Variants in CDK13 observed in about 807,000 individuals in gnomAD.
The protein encoded by CDK13 is cyclin dependent kinase 13, also known as cyclin-dependent kinase 13.
Under a neutral mutation model 137.6 loss-of-function variants are expected in CDK13, and 40 were observed. The observed-to-expected ratio is 0.29, with a 90% CI of 0.23 to 0.38. CDK13 has a LOEUF of 0.38. Among genes scored for constraint, CDK13 ranks in the 10% least tolerant of loss-of-function variants. CDK13 has a pLI of 1.00. For synonymous variants in CDK13, 869 were observed against 760.1 expected, an observed-to-expected ratio of 1.14 and a Z score of -2.36; for missense variants, 1,704 against 1,951.8, an observed-to-expected ratio of 0.87 and a Z score of 2.39.
At chr7:40,022,718 T>A (rs1785153902) in intron 5 of CDK13, among the ~76,000 whole-genome samples, 1 of 151,808 alleles carries the variant, frequency 6.6e-6, no homozygotes, top group Non-Finnish European at 1.5e-5. Context: ...AATGTCCTGA[T>A]CTACCTCCAT....
At chr7:40,079,403 G>A (rs1786616004) in intron 11 of CDK13, among the ~76,000 whole-genome samples, 1 of 151,080 alleles carries the variant, frequency 6.6e-6, no homozygotes, top group African/African-American at 2.4e-5. Flanking sequence ...TGGGTGACAA[G>A]AGCAAGACTC....
rs1167686585 is a variant in CDK13 at position 39,950,924 on chromosome 7, G to A, written c.283G>A (p.Gly95Ser). The change falls in exon 1 of 14, where the codon GGC becomes AGC. Residue 95 changes from glycine to serine, a missense_variant. Around this residue, in one of 5 missense-constraint regions of CDK13, gnomAD observed 1,051 missense variants for 931.0 expected, o/e 1.13. Transcript: ENST00000181839. Reference protein sequence around the residue: ...PPLEVKRLARGKRRAGGRQKR... With the variant: ...PPLEVKRLARSKRRAGGRQKR... ...TCTGGAGGTCAAGCGGCTGGCGAGAGGCAAGAGGCGCGCAGGAGGGCGGCA... is the reference window on the plus strand; with the variant it reads ...TCTGGAGGTCAAGCGGCTGGCGAGAAGCAAGAGGCGCGCAGGAGGGCGGCA... 3 of 1,320,890 alleles carry A rather than the reference G, an allele frequency of 2.3e-6. No homozygotes were observed. The highest frequency in any genetic ancestry group is 1.5e-5 in the African/African-American group (1 of 64,836). The allele number at this position is 1,320,890 out of a possible 1,614,324, so 81.8% of individuals were successfully genotyped here. A position where few individuals can be genotyped will look rare whatever the true frequency, so the allele number is the denominator to read the frequency against.
At chr7:40,059,749 A>G (rs1256617564) in intron 7 of CDK13, among the ~76,000 whole-genome samples, 3 of 152,226 alleles carry the variant, frequency 2.0e-5, no homozygotes, top group African/African-American at 7.2e-5. Flanking sequence ...TGAATGTAAA[A>G]ATAATTTTTA....
At chr7:40,052,722 A>G (rs568284643) in intron 7 of CDK13, among the ~76,000 whole-genome samples, 44 of 152,256 alleles carry the variant, frequency 2.9e-4, no homozygotes, top group Admixed American at 7.8e-4. Flanking sequence ...AAATTTTCCT[A>G]AAGTTGAAGG....
At chr7:40,029,614 G>A (rs1785322033) in intron 5 of CDK13, among the ~76,000 whole-genome samples, 1 of 151,658 alleles carries the variant, frequency 6.6e-6, no homozygotes, top group African/African-American at 2.4e-5. Flanking sequence ...CAGTTTCTCG[G>A]GAGGCTGAGA....
rs17496415 is a variant in CDK13 at position 40,015,761 on chromosome 7, T to A, written c.2353+13730T>A. 6.7e-3 allele frequency among the ~76,000 whole-genome samples: 1,015 copies of A among 151,988 alleles called. 8 individuals are homozygous for A. The highest frequency in any genetic ancestry group is 0.015 in the African/African-American group (614 of 41,456). ...TTGATCCAGAAGTTTAAAAAAAAAA[T>A]TTTTTTCTGAAAGCTTAGAAGCAGT... On this transcript the variant is annotated intron_variant, in intron 5 of 13. Transcript: ENST00000181839.
At chr7:40,024,380 G>C (rs936983832) in intron 5 of CDK13, among the ~76,000 whole-genome samples, 1 of 152,152 alleles carries the variant, frequency 6.6e-6, no homozygotes, top group Non-Finnish European at 1.5e-5. Flanking sequence ...GCCTCGCTTT[G>C]TCATTCACCC....
At chr7:39,953,073 CAACAT>C (rs1787288792) in intron 1 of CDK13, among the ~76,000 whole-genome samples, 1 of 152,098 alleles carries the variant, frequency 6.6e-6, no homozygotes, top group South Asian at 2.1e-4. Flanking sequence ...TGTGGAATCT[CAACAT>C]AATACGAATA....
chr7:39,989,784 CTTT>C (rs1337667375), intron 2 of CDK13, among the ~76,000 whole-genome samples: 6 of 138,912 alleles, frequency 4.3e-5, no homozygotes, highest in Admixed American at 2.9e-4. Flanking sequence ...CTACTTTATC[CTTT>C]TTTTTTTTTT....
chr7:40,094,502 G>A lies in CDK13; in HGVS notation c.4061G>A (p.Gly1354Asp). 6.2e-7 allele frequency: 1 copy of A among 1,613,244 alleles called. No homozygotes were observed. The highest frequency in any genetic ancestry group is 1.7e-4 in the Middle Eastern group (1 of 6,058). ...TCTGCTCCTTATGTTAGCAATGATG[G>A]TCTAGGAAGCAGTTCTGCTCCACCA... ...FSSAPYVSND[G>D]LGSSSAPPLE... Residue 1354 changes from glycine (G) to aspartate (D), a missense_variant, in exon 14 of 14, where the codon GGT (glycine) becomes GAT (aspartate). Coordinates refer to ENST00000181839, the MANE Select transcript of CDK13 (RefSeq NM_003718.5).
intron 12 of CDK13, chr7:40,092,518 C>T (rs561931378): frequency 1.3e-5 from 5 of 392,042 alleles, no homozygotes; most frequent in Admixed American, 1.3e-4. Flanking sequence ...AAATCCATAA[C>T]ATGAGGTTTT....
intron 5 of CDK13, among the ~76,000 whole-genome samples, chr7:40,022,588 A>G (rs1289035633): frequency 6.6e-6 from 1 of 150,672 alleles, no homozygotes; most frequent in Non-Finnish European, 1.5e-5. Context: ...GGTAGACCCT[A>G]TGTTGTGTCA....
At chr7:40,067,499 G>C (rs1297028836) in intron 9 of CDK13, 1 of 152,096 alleles carries the variant, frequency 6.6e-6, no homozygotes, top group South Asian at 2.1e-4. Flanking sequence ...AGCCAAGATC[G>C]CACCACTCCA....
At position 39,968,292 on chromosome 7, in the gene CDK13, C is replaced by T. The variant is rs62456072; in HGVS notation, c.1211+16440C>T. On this transcript the variant is annotated intron_variant, in intron 1 of 13. Transcript: ENST00000181839. ...CCCTGTACTTTTGGGTTTATAACCA[C>T]GAAACCTTTGCCCAAACTAATGTCA... Among the ~76,000 whole-genome samples, 43 of 152,298 alleles carry T rather than the reference C, an allele frequency of 2.8e-4. No homozygotes were observed. The East Asian group carries it at 2.9e-3, about 10-fold the overall frequency.
chr7:39,999,911 T>G (rs1415083106), intron 4 of CDK13, among the ~76,000 whole-genome samples: 1 of 152,196 alleles, frequency 6.6e-6, no homozygotes, highest in Non-Finnish European at 1.5e-5. Flanking sequence ...GTAACTATCC[T>G]TGGAGGCCAG....
intron 1 of CDK13, among the ~76,000 whole-genome samples, chr7:39,953,433 A>G (rs1315737108): frequency 6.6e-6 from 1 of 152,184 alleles, no homozygotes; most frequent in African/African-American, 2.4e-5. Context: ...GCTTGATGCA[A>G]TTTTAAGAAT....
intron 4 of CDK13, among the ~76,000 whole-genome samples, chr7:40,000,959 TG>T (rs1428835521): frequency 1.3e-5 from 2 of 152,184 alleles, no homozygotes; most frequent in Non-Finnish European, 2.9e-5. Context: ...ACTTAAATTA[TG>T]TGGCAATTTA....
At chr7:39,999,766 T>C (rs1337593432) in intron 4 of CDK13, among the ~76,000 whole-genome samples, 1 of 152,224 alleles carries the variant, frequency 6.6e-6, no homozygotes, top group Non-Finnish European at 1.5e-5. Flanking sequence ...CTTTCCTCTT[T>C]TATGGTGAAT....
chr7:40,090,335 A>C (rs530935823), intron 12 of CDK13, among the ~76,000 whole-genome samples: 1 of 152,100 alleles, frequency 6.6e-6, no homozygotes, highest in African/African-American at 2.4e-5. Context: ...AATGGTGGAT[A>C]ATTTTATTTT....
Sources: gnomAD v4.1 joint callset for allele counts (sites outside exome capture counted in the v4.1 genomes callset) on GRCh38, gnomAD v4.1.1 for gene constraint, gnomAD v4.1.1 regional missense constraint, MANE v1.5 for transcripts, NCBI Gene and HGNC (gene_info 2026-07-23, HGNC 2026-07-21) for gene names.